NFKB1: variants seen among roughly 807,000 people sequenced by gnomAD.
NFKB1 encodes the protein nuclear factor kappa B subunit 1.
NFKB1 carries 9 observed loss-of-function variants against 105.1 expected under a neutral mutation model. The ratio of observed to expected loss-of-function variants is 0.09; its 90% CI spans 0.05 to 0.15. The LOEUF is 0.15. Among genes scored for constraint, NFKB1 ranks in the 10% least tolerant of loss-of-function variants. The pLI is 1.00. For missense variants in NFKB1, 830 were observed against 1,203.7 expected, an observed-to-expected ratio of 0.69 and a Z score of 4.59; for synonymous variants, 440 against 442.2, an observed-to-expected ratio of 1.00 and a Z score of 0.06.
chr4:102,551,377 CAT>C (rs905606807), intron 5 of NFKB1, among the ~76,000 whole-genome samples: 223 of 143,532 alleles, frequency 1.6e-3, no homozygotes, highest in Non-Finnish European at 1.9e-3. Context: ...TGCGCGCGCG[CAT>C]GTGTGTGTGT....
chr4:102,506,605 AC>A (rs1739431721), intron 1 of NFKB1, among the ~76,000 whole-genome samples: 2 of 152,138 alleles, frequency 1.3e-5, no homozygotes. Context: ...TCTGAATTGA[AC>A]CATTTATTTT....
chr4:102,600,955 C>A lies in NFKB1; in HGVS notation c.1698C>A (p.Val566=). 6.2e-7 allele frequency: 1 copy of A among 1,612,968 alleles called. No homozygotes were observed. The highest frequency in any genetic ancestry group is 1.1e-5 in the South Asian group (1 of 91,046). The change falls in exon 16 of 24, where the codon GTC becomes GTA. Residue 566 remains valine (V), a synonymous_variant. Transcript: ENST00000226574. ...AACTTGTGAGGGATCTACTAGAAGT[C>A]ACATCTGGTTTGATTTCTGATGACA... The part of the protein sequence containing the change: ...HSQLVRDLLE[V]TSGLISDDII...
intron 1 of NFKB1, among the ~76,000 whole-genome samples, chr4:102,522,623 A>T (rs570923303): frequency 6.6e-5 from 10 of 152,328 alleles, no homozygotes; most frequent in African/African-American, 2.4e-4. Context: ...TTAACTGTTT[A>T]CATTCAGAAG....
At chr4:102,559,931 C>A (rs1309753305) in intron 5 of NFKB1, among the ~76,000 whole-genome samples, 3 of 148,416 alleles carry the variant, frequency 2.0e-5, no homozygotes, top group Non-Finnish European at 4.5e-5. Flanking sequence ...GAGCAAGACC[C>A]TGTCCCTTTA....
At chr4:102,558,132 TCA>T (rs1723130674) in intron 5 of NFKB1, among the ~76,000 whole-genome samples, 1 of 151,566 alleles carries the variant, frequency 6.6e-6, no homozygotes, top group African/African-American at 2.4e-5. Flanking sequence ...AATTATTTCA[TCA>T]CTCAGGTATT....
intron 5 of NFKB1, among the ~76,000 whole-genome samples, chr4:102,565,794 T>C (rs1313577632): frequency 6.6e-6 from 1 of 152,114 alleles, no homozygotes; most frequent in Non-Finnish European, 1.5e-5. Flanking sequence ...TACAGATTTA[T>C]GCATTTTGAA....
intron 5 of NFKB1, among the ~76,000 whole-genome samples, chr4:102,560,372 A>G (rs1176401301): frequency 6.6e-6 from 1 of 152,206 alleles, no homozygotes. Flanking sequence ...GCAAAGTTAT[A>G]CATAGAGATT....
chr4:102,564,159 C>T (rs78541009), intron 5 of NFKB1, among the ~76,000 whole-genome samples: 10 of 152,138 alleles, frequency 6.6e-5, no homozygotes, highest in East Asian at 1.9e-4. Flanking sequence ...AATGTTCAGA[C>T]GCTTTGAAAA....
intron 23 of NFKB1, among the ~76,000 whole-genome samples, chr4:102,615,036 C>T (rs1308962087): frequency 6.6e-6 from 1 of 152,178 alleles, no homozygotes; most frequent in South Asian, 2.1e-4. Context: ...AATTCTTGCA[C>T]GGCTCCTACT....
Position 102,616,821 on chromosome 4 carries a change from A to G in NFKB1, c.*227A>G. The G allele has an allele frequency of 2.4e-6, 1 of 417,244 alleles. No homozygotes were observed. The highest frequency in any genetic ancestry group is 4.4e-6 in the Non-Finnish European group (1 of 229,812). The allele number at this position is 417,244 out of a possible 1,614,324, so 25.8% of individuals were successfully genotyped here. On this transcript the variant is annotated 3_prime_UTR_variant, in exon 24 of 24. Transcript: ENST00000226574. The stretch of plus-strand genomic sequence containing the variant: ...TATCTAGCAATCACAACACTGGCTG[A>G]GCGGATGCATCTGGGGATGAGGTTG...
intron 17 of NFKB1, among the ~76,000 whole-genome samples, 181 bp from the exon 18 acceptor site, chr4:102,606,969 A>G (rs1426372341): frequency 6.6e-6 from 1 of 152,194 alleles, no homozygotes; most frequent in Non-Finnish European, 1.5e-5. Flanking sequence ...ATGTTTATTT[A>G]TGTTCATGTC....
intron 13 of NFKB1, among the ~76,000 whole-genome samples, 197 bp downstream of exon 13, chr4:102,595,178 T>G (rs929151322): frequency 1.9e-4 from 29 of 152,178 alleles, no homozygotes; most frequent in African/African-American, 7.0e-4. Context: ...TTTTATATAT[T>G]TTATATATTT....
intron 16 of NFKB1, 35 bp from the exon 17 acceptor site, chr4:102,606,461 C>T: frequency 1.3e-6 from 2 of 1,588,798 alleles, no homozygotes; most frequent in South Asian, 1.1e-5. Context: ...GTATTCACTG[C>T]TGACCAGTGA....
intron 14 of NFKB1, among the ~76,000 whole-genome samples, chr4:102,597,303 C>A (rs1726698306): frequency 6.6e-6 from 1 of 152,210 alleles, no homozygotes; most frequent in Non-Finnish European, 1.5e-5. Context: ...TACACAGATT[C>A]TTTAAGATCA....
intron 5 of NFKB1, among the ~76,000 whole-genome samples, chr4:102,564,988 C>T (rs1723739676): frequency 6.6e-6 from 1 of 152,232 alleles, no homozygotes; most frequent in African/African-American, 2.4e-5. Context: ...AGAAACACAA[C>T]TGGCATCAGC....
chr4:102,566,709 G>A (rs1723903410), intron 5 of NFKB1, among the ~76,000 whole-genome samples: 1 of 152,138 alleles, frequency 6.6e-6, no homozygotes, highest in Admixed American at 6.6e-5. Flanking sequence ...CCTCTAAGAT[G>A]TGTTGCTCCA....
chr4:102,511,156 T>C (rs1467584435), intron 1 of NFKB1, among the ~76,000 whole-genome samples: 1 of 152,206 alleles, frequency 6.6e-6, no homozygotes, highest in Admixed American at 6.5e-5. Flanking sequence ...ATTATATATG[T>C]TTATGGTACA....
intron 5 of NFKB1, among the ~76,000 whole-genome samples, chr4:102,550,773 C>G (rs948431066): frequency 3.9e-5 from 6 of 152,134 alleles, no homozygotes; most frequent in Non-Finnish European, 8.8e-5. Flanking sequence ...ACAAAAGTTA[C>G]TTGGATTAGA....
At chr4:102,530,305 G>A (rs1741202918) in intron 3 of NFKB1, among the ~76,000 whole-genome samples, 1 of 151,932 alleles carries the variant, frequency 6.6e-6, no homozygotes, top group African/African-American at 2.4e-5. Context: ...CAGTCACTGG[G>A]GAATCAAAGT....
Sources: gnomAD v4.1 joint callset for allele counts (sites outside exome capture counted in the v4.1 genomes callset) on GRCh38, gnomAD v4.1.1 for gene constraint, MANE v1.5 for transcripts, NCBI Gene and HGNC (gene_info 2026-07-23, HGNC 2026-07-21) for gene names.